Variants in ERC1 observed in about 807,000 individuals in gnomAD.
ERC1 encodes the protein RAB6 interacting protein 2.
In ERC1, 56 loss-of-function variants were observed where a neutral mutation model predicts 132.0. The ratio of observed to expected loss-of-function variants is 0.42; its 90% CI spans 0.34 to 0.53. ERC1 has a LOEUF of 0.53. Among genes scored for constraint, ERC1 ranks in the 20% least tolerant of loss-of-function variants. The pLI is 0.03. For missense variants in ERC1, 1,202 were observed against 1,349.9 expected, an observed-to-expected ratio of 0.89 and a Z score of 1.72; for synonymous variants, 478 against 476.1, an observed-to-expected ratio of 1.00 and a Z score of -0.05.
chr12:1,483,903 A>T (rs1230742783), intron 18 of ERC1, among the ~76,000 whole-genome samples: 1 of 151,488 alleles, frequency 6.6e-6, no homozygotes, highest in African/African-American at 2.4e-5. Context: ...CATTTTGGCC[A>T]GGCTGGCCTC....
At chr12:1,232,779 A>G (rs1362381166) in intron 12 of ERC1, among the ~76,000 whole-genome samples, 6 of 151,944 alleles carry the variant, frequency 3.9e-5, no homozygotes, top group Non-Finnish European at 8.8e-5. Flanking sequence ...TAGGATGATT[A>G]TCTTTAATGC....
intron 14 of ERC1, among the ~76,000 whole-genome samples, chr12:1,266,203 C>T (rs73027475): frequency 0.027 from 4,138 of 152,004 alleles, 59 homozygotes; most frequent in Middle Eastern, 0.071. Context: ...TTTTCTTGTC[C>T]ACCTTTCTGC....
At chr12:1,417,495 G>T (rs1466531358) in intron 17 of ERC1, among the ~76,000 whole-genome samples, 2 of 150,932 alleles carry the variant, frequency 1.3e-5, no homozygotes, top group African/African-American at 4.9e-5. Flanking sequence ...AAAAGATTTT[G>T]GAGGCCGAGC....
intron 15 of ERC1, among the ~76,000 whole-genome samples, chr12:1,293,088 G>C (rs2079573667): frequency 6.6e-6 from 1 of 150,396 alleles, no homozygotes; most frequent in Admixed American, 6.6e-5. Flanking sequence ...AGGTTGCAGT[G>C]AGCTGAGATT....
At chr12:1,009,346 T>C in intron 1 of ERC1, among the ~76,000 whole-genome samples, 1 of 152,108 alleles carries the variant, frequency 6.6e-6, no homozygotes, top group Non-Finnish European at 1.5e-5. Flanking sequence ...GGCTAATTTT[T>C]TGTATTTTTA....
intron 12 of ERC1, among the ~76,000 whole-genome samples, chr12:1,231,286 C>T (rs2075018408): frequency 6.6e-6 from 1 of 151,992 alleles, no homozygotes; most frequent in Non-Finnish European, 1.5e-5. Flanking sequence ...CTTTAATTAC[C>T]TACAAAAATT....
chr12:1,484,922 G>A (rs753588127), intron 18 of ERC1, among the ~76,000 whole-genome samples: 4 of 149,516 alleles, frequency 2.7e-5, no homozygotes, highest in Non-Finnish European at 4.4e-5. Context: ...GCTGTGTTGC[G>A]CAGGCTAGAG....
At chr12:1,119,808 C>A (rs1946877512) in intron 7 of ERC1, among the ~76,000 whole-genome samples, 1 of 151,960 alleles carries the variant, frequency 6.6e-6, no homozygotes, top group African/African-American at 2.4e-5. Flanking sequence ...CCTCAGCCAC[C>A]CAAAGTGCTG....
At chr12:1,370,143 A>ATGTC (rs1311267391) in intron 15 of ERC1, among the ~76,000 whole-genome samples, 2 of 152,234 alleles carry the variant, frequency 1.3e-5, no homozygotes, top group African/African-American at 4.8e-5. Flanking sequence ...TAAATCAAAT[A>ATGTC]TGTCTTCTTT....
chr12:1,410,572 T>G, intron 17 of ERC1: 1 of 321,158 alleles, frequency 3.1e-6, no homozygotes, highest in Non-Finnish European at 5.9e-6. Context: ...GTGTGCTTTC[T>G]GTTTTTTTAT....
chr12:1,203,099 C>A (rs1348098616), intron 12 of ERC1, among the ~76,000 whole-genome samples: 1 of 152,200 alleles, frequency 6.6e-6, no homozygotes, highest in Non-Finnish European at 1.5e-5. Context: ...GCTCTGTTGC[C>A]CAGGCTGGAG....
chr12:1,481,593 C>T (rs1441350547), intron 18 of ERC1, among the ~76,000 whole-genome samples: 1 of 152,186 alleles, frequency 6.6e-6, no homozygotes, highest in Non-Finnish European at 1.5e-5. Flanking sequence ...AAATTTGAAC[C>T]ATGCCTAATC....
intron 2 of ERC1, among the ~76,000 whole-genome samples, chr12:1,065,434 G>A (rs1938929586): frequency 6.9e-6 from 1 of 145,154 alleles, no homozygotes; most frequent in African/African-American, 2.6e-5. Context: ...ATATCTCCTT[G>A]TTGAATTTTT....
chr12:1,333,580 C>G (rs2083065597), intron 15 of ERC1, among the ~76,000 whole-genome samples: 4 of 152,108 alleles, frequency 2.6e-5, no homozygotes, highest in Admixed American at 6.5e-5. Context: ...ATCCACCCAT[C>G]TCAGCCTCCC....
chr12:1,140,084 G>A (rs721859), intron 7 of ERC1, among the ~76,000 whole-genome samples: 38,910 of 152,038 alleles, frequency 0.26, 5,260 homozygotes, highest in African/African-American at 0.29. Context: ...CTGGCTTGGT[G>A]AGACTGGTCG....
At chr12:1,214,042 A>G (rs1411237434) in intron 12 of ERC1, among the ~76,000 whole-genome samples, 1 of 152,222 alleles carries the variant, frequency 6.6e-6, no homozygotes, top group Non-Finnish European at 1.5e-5. Flanking sequence ...GAAATTTCCT[A>G]AGAACAGAGG....
At chr12:1,042,340 T>TTC (rs1166507373) in intron 2 of ERC1, among the ~76,000 whole-genome samples, 1 of 140,860 alleles carries the variant, frequency 7.1e-6, no homozygotes, top group East Asian at 2.1e-4. Context: ...CCCGGCCTGT[T>TTC]TTTTTTTTTT....
At chr12:1,099,905 T>G (rs1166735934) in intron 3 of ERC1, among the ~76,000 whole-genome samples, 4 of 126,268 alleles carry the variant, frequency 3.2e-5, no homozygotes, top group African/African-American at 1.2e-4. Flanking sequence ...TGGACTGCAG[T>G]GGCACCATCT....
intron 10 of ERC1, among the ~76,000 whole-genome samples, chr12:1,182,488 A>G (rs2906118): frequency 6.6e-6 from 1 of 152,090 alleles, no homozygotes; most frequent in East Asian, 1.9e-4. Context: ...TTGTTTTTGG[A>G]GAATCCTGTT....
Sources: gnomAD v4.1 joint callset for allele counts (sites outside exome capture counted in the v4.1 genomes callset) on GRCh38, gnomAD v4.1.1 for gene constraint, MANE v1.5 for transcripts, NCBI Gene and HGNC (gene_info 2026-07-23, HGNC 2026-07-21) for gene names.